The following WWC1 variants were observed in gnomAD, a reference collection of about 807,000 sequenced individuals.
WWC1 encodes WW and C2 domain containing 1, also known as protein KIBRA.
In WWC1, 55 loss-of-function variants were observed where a neutral mutation model predicts 138.4. The observed-to-expected ratio is 0.40, with a 90% CI of 0.32 to 0.50. WWC1 has a LOEUF of 0.50. WWC1 is among the 20% of genes least tolerant of loss of function. The probability of loss-of-function intolerance (pLI) is 0.72; values close to 1 mark genes in which losing one functional copy is unlikely to be tolerated. For missense variants in WWC1, 1,226 were observed against 1,420.4 expected (o/e 0.86, Z 2.20); for synonymous variants, 524 against 564.9 (o/e 0.93, Z 1.03).
intron 3 of WWC1, among the ~76,000 whole-genome samples, chr5:168,389,597 GTTTT>G (rs55873477): frequency 0.43 from 55,430 of 129,838 alleles, 11,029 homozygotes; most frequent in South Asian, 0.55. Context: ...TTGAATTTTT[GTTTT>G]TTTTTTTTTT....
intron 1 of WWC1, among the ~76,000 whole-genome samples, chr5:168,334,266 A>C (rs561007032): frequency 1.4e-4 from 21 of 151,976 alleles, no homozygotes; most frequent in African/African-American, 5.1e-4. Flanking sequence ...TTCTCTCCCT[A>C]ACGTGGCTCA....
Position 168,382,285 on chromosome 5 carries a change from T to A in WWC1, c.230-2926T>A, listed in dbSNP as rs76826560. Among the ~76,000 whole-genome samples the A allele has an allele frequency of 6.6e-5, 10 of 152,274 alleles. No individual in the cohort carries two copies. The East Asian group carries it at 1.9e-3, about 29-fold the overall frequency. Reference sequence around the variant, plus strand: ...TGTTGCATTAAAGTAACCTTGTATATATAGGCGTGTATGTGTAAACAAAAA... The same window carrying A: ...TGTTGCATTAAAGTAACCTTGTATAAATAGGCGTGTATGTGTAAACAAAAA... On this transcript the variant is annotated intron_variant, in intron 2 of 22. Coordinates refer to ENST00000265293, the MANE Select transcript of WWC1 (RefSeq NM_015238.3).
At chr5:168,462,617 A>G (rs548843690) in intron 20 of WWC1, among the ~76,000 whole-genome samples, 1 of 152,210 alleles carries the variant, frequency 6.6e-6, no homozygotes, top group East Asian at 1.9e-4. Context: ...GCTCCCTTCT[A>G]AGGCAGGCCC....
chr5:168,449,617 A>G (rs1755614793), intron 17 of WWC1, among the ~76,000 whole-genome samples: 1 of 121,378 alleles, frequency 8.2e-6, no homozygotes, highest in Non-Finnish European at 1.6e-5. Flanking sequence ...CTTGTTGCCC[A>G]GGCTAGAGTG....
intron 1 of WWC1, among the ~76,000 whole-genome samples, chr5:168,296,206 C>G (rs575536453): frequency 6.6e-6 from 1 of 152,304 alleles, no homozygotes; most frequent in African/African-American, 2.4e-5. Flanking sequence ...CAGCCTGATT[C>G]CTTCTTGTTG....
intron 1 of WWC1, among the ~76,000 whole-genome samples, chr5:168,299,094 A>G (rs926284739): frequency 3.3e-5 from 5 of 152,192 alleles, no homozygotes; most frequent in African/African-American, 1.2e-4. Flanking sequence ...TCAAAAAAAA[A>G]GGTTTAGTAA....
intron 1 of WWC1, among the ~76,000 whole-genome samples, chr5:168,309,477 C>T (rs528175477): frequency 6.6e-6 from 1 of 152,150 alleles, no homozygotes; most frequent in East Asian, 1.9e-4. Flanking sequence ...ATCTTCCTCA[C>T]ACCTGGTCCC....
chr5:168,403,087 C>CTTTCTTTCTTTCTTTTTTTTT (rs1779504732), intron 5 of WWC1, among the ~76,000 whole-genome samples: 1 of 92,168 alleles, frequency 1.1e-5, no homozygotes, highest in Non-Finnish European at 2.2e-5. Context: ...TCTTTTCTTT[C>CTTTCTTTCTTTCTTTTTTTTT]TTTTCTTTCT....
chr5:168,414,892 C>A, intron 9 of WWC1: 1 of 321,892 alleles, frequency 3.1e-6, no homozygotes, highest in East Asian at 6.0e-5. Context: ...TAACTTAAAG[C>A]AGTCATTTTC....
chr5:168,350,824 G>T (rs1255792452), intron 1 of WWC1, among the ~76,000 whole-genome samples: 1 of 152,112 alleles, frequency 6.6e-6, no homozygotes, highest in East Asian at 1.9e-4. Flanking sequence ...CCCAATTTTT[G>T]CCAATAGAAG....
At chr5:168,312,815 C>CTTT (rs763253959) in intron 1 of WWC1, among the ~76,000 whole-genome samples, 21 of 123,768 alleles carry the variant, frequency 1.7e-4, no homozygotes, top group African/African-American at 5.7e-4. Flanking sequence ...ATCCTAAGTA[C>CTTT]TTTTTTTTTT....
intron 1 of WWC1, among the ~76,000 whole-genome samples, chr5:168,326,675 G>C (rs1371777562): frequency 6.6e-6 from 1 of 151,974 alleles, no homozygotes; most frequent in Non-Finnish European, 1.5e-5. Context: ...CTTCCAAGTA[G>C]CTGGGATTAC....
intron 3 of WWC1, among the ~76,000 whole-genome samples, chr5:168,387,502 G>A (rs1173232689): frequency 1.3e-5 from 2 of 152,160 alleles, no homozygotes; most frequent in African/African-American, 2.4e-5. Context: ...ATCTGTCTTA[G>A]TCGACTCGAG....
intron 19 of WWC1, among the ~76,000 whole-genome samples, chr5:168,459,157 G>A (rs1265782472): frequency 2.6e-5 from 4 of 151,830 alleles, no homozygotes; most frequent in African/African-American, 9.7e-5. Flanking sequence ...GAGAGGCTGA[G>A]GCGGGAGAAT....
chr5:168,302,047 C>T (rs1395905479), intron 1 of WWC1, among the ~76,000 whole-genome samples: 4 of 152,228 alleles, frequency 2.6e-5, no homozygotes, highest in Non-Finnish European at 5.9e-5. Flanking sequence ...TGCCAGTGAG[C>T]TGGCACCAGG....
In WWC1 at chr5:168,428,769, G is replaced by A. The variant is rs778406863; in HGVS notation, c.1982G>A (p.Arg661Gln). The change falls in exon 13 of 23, where the codon CGA (arginine) becomes CAA (glutamine). Residue 661 changes from arginine (R) to glutamine (Q), a missense_variant. This residue lies in a region of WWC1 where 1,016 missense variants were observed against 1,153.9 expected (regional missense o/e 0.88). Coordinates refer to ENST00000265293, the MANE Select transcript of WWC1 (RefSeq NM_015238.3). ...GAATCGGAAGCAGTGGGTGCGACCC[G>A]AATTCAGATTGCCCTGAAGTAAGTG... Reference protein sequence around the residue: ...SDESEAVGATRIQIALKYDEK... With the variant: ...SDESEAVGATQIQIALKYDEK... 2.2e-5 allele frequency: 35 copies of A among 1,613,658 alleles called. 1 individual carries two copies. Among genetic ancestry groups the A allele is most frequent in the South Asian group, 6.6e-5 (6 of 91,066 alleles).
chr5:168,464,334 A>G (rs1168015620), intron 20 of WWC1, among the ~76,000 whole-genome samples: 1 of 152,148 alleles, frequency 6.6e-6, no homozygotes. Context: ...GAGGGTGCTG[A>G]GAGTACTGAA....
At chr5:168,459,362 C>T (rs1427375444) in intron 19 of WWC1, among the ~76,000 whole-genome samples, 1 of 152,072 alleles carries the variant, frequency 6.6e-6, no homozygotes, top group African/African-American at 2.4e-5. Flanking sequence ...GCACACCCTT[C>T]CACCTGCACA....
At chr5:168,466,322 A>ATATGAAAAATTTCATAAATTTTTCATT (rs1188865147) in intron 21 of WWC1, among the ~76,000 whole-genome samples, 3 of 152,208 alleles carry the variant, frequency 2.0e-5, no homozygotes, top group Non-Finnish European at 4.4e-5. Context: ...TATAGGACCA[A>ATATGAAAAATTTCATAAATTTTTCATT]TATGAAAAAT....
Sources: allele counts gnomAD v4.1 joint callset (sites outside exome capture counted in the v4.1 genomes callset), GRCh38; gene constraint gnomAD v4.1.1; regional missense constraint gnomAD v4.1.1; transcripts MANE v1.5; gene names NCBI Gene and HGNC (gene_info 2026-07-23, HGNC 2026-07-21).